The following RBFOX1 variants were observed in gnomAD, a reference collection of about 807,000 sequenced individuals.
The protein encoded by RBFOX1 is RNA binding protein fox-1 homolog 1.
In RBFOX1, 8 loss-of-function variants were observed where a neutral mutation model predicts 57.7. The observed-to-expected ratio is 0.14, with a 90% CI of 0.08 to 0.25. The LOEUF (loss-of-function observed/expected upper bound fraction) is 0.25. RBFOX1 is among the 10% of genes least tolerant of loss of function. RBFOX1 has a pLI of 1.00. For missense variants in RBFOX1, 611 were observed against 548.5 expected, an observed-to-expected ratio of 1.11 and a Z score of -1.14; for synonymous variants, 326 against 222.4, an observed-to-expected ratio of 1.47 and a Z score of -4.15.
intron 5 of RBFOX1, among the ~76,000 whole-genome samples, chr16:7,526,115 A>C (rs1280765921): frequency 6.6e-6 from 1 of 152,178 alleles, no homozygotes; most frequent in Non-Finnish European, 1.5e-5. Flanking sequence ...CCTATTGTGA[A>C]CTGTACATGC....
At chr16:7,277,475 C>G (rs1452692220) in intron 4 of RBFOX1, among the ~76,000 whole-genome samples, 1 of 152,094 alleles carries the variant, frequency 6.6e-6, no homozygotes, top group East Asian at 1.9e-4. Flanking sequence ...GAATAGGACA[C>G]CATTTAATTG....
intron 5 of RBFOX1, among the ~76,000 whole-genome samples, chr16:7,535,745 C>T (rs557906423): frequency 8.1e-4 from 123 of 152,278 alleles, no homozygotes; most frequent in African/African-American, 2.9e-3. Context: ...CTACTAAATA[C>T]ACATGAACAA....
At chr16:6,447,742 G>C (rs538818780) in intron 2 of RBFOX1, among the ~76,000 whole-genome samples, 1 of 152,174 alleles carries the variant, frequency 6.6e-6, no homozygotes. Context: ...AAATGCTGCT[G>C]AAGAGTTATG....
rs184573741 is a variant in RBFOX1 at position 7,159,199 on chromosome 16, A to T, written c.27+107101A>T. Reference sequence around the variant, plus strand: ...AAGTTGTTGCATGTGCTAATAGTTGATTGTCTTAGATTGCTGAGTAGTATT... The same window carrying T: ...AAGTTGTTGCATGTGCTAATAGTTGTTTGTCTTAGATTGCTGAGTAGTATT... On this transcript the variant is annotated intron_variant, in intron 4 of 15. Transcript: ENST00000550418. Among the ~76,000 whole-genome samples, 90 of 152,138 alleles carry T rather than the reference A, an allele frequency of 5.9e-4. 1 individual carries two copies. In the Middle Eastern group the frequency reaches 0.024, roughly 40 times the overall value.
chr16:7,377,097 G>C (rs2097698865), intron 4 of RBFOX1, among the ~76,000 whole-genome samples: 1 of 152,156 alleles, frequency 6.6e-6, no homozygotes, highest in Non-Finnish European at 1.5e-5. Context: ...TCTTTTTCAT[G>C]ATATCTTACA....
At position 7,351,390 on chromosome 16, in the gene RBFOX1, C is replaced by T. The variant is rs528361323; in HGVS notation, c.28-166757C>T. On this transcript the variant is annotated intron_variant, in intron 4 of 15. Coordinates refer to ENST00000550418, the MANE Select transcript of RBFOX1 (RefSeq NM_018723.4). ...ATTAATCACCACTACGTGCAAGGCACGATGGCAAACATTAGGAACGCAATG... is the reference window on the plus strand; with the variant it reads ...ATTAATCACCACTACGTGCAAGGCATGATGGCAAACATTAGGAACGCAATG... 5.2e-5 allele frequency among the ~76,000 whole-genome samples: 8 copies of T among 152,382 alleles called. No homozygotes were observed. In the East Asian group the frequency reaches 9.6e-4, roughly 18 times the overall value.
At chr16:6,360,906 G>A (rs1365011725) in intron 2 of RBFOX1, among the ~76,000 whole-genome samples, 3 of 151,950 alleles carry the variant, frequency 2.0e-5, no homozygotes, top group Non-Finnish European at 2.9e-5. Context: ...TGTTTGAGCC[G>A]AAGACCGTTA....
At chr16:5,600,699 G>C (rs1021829666), downstream of RBFOX1, among the ~76,000 whole-genome samples, 9 of 151,942 alleles carry the variant, frequency 5.9e-5, no homozygotes, top group Non-Finnish European at 1.3e-4. Context: ...GACTTTCCAG[G>C]CTGGATTTTT....
chr16:7,224,199 A>G (rs1012602525), intron 4 of RBFOX1, among the ~76,000 whole-genome samples: 3 of 150,988 alleles, frequency 2.0e-5, no homozygotes, highest in Admixed American at 6.6e-5. Context: ...GTGCAATACT[A>G]TAATGGGAAG....
At chr16:7,184,352 G>GA (rs938524141) in intron 4 of RBFOX1, among the ~76,000 whole-genome samples, 12 of 152,232 alleles carry the variant, frequency 7.9e-5, no homozygotes, top group Admixed American at 3.9e-4. Context: ...GCTGAAGAGA[G>GA]AAAAAAACAG....
At chr16:5,814,995 T>C (rs1266430775) in intron 3 of RBFOX1, among the ~76,000 whole-genome samples, 4 of 151,824 alleles carry the variant, frequency 2.6e-5, no homozygotes, top group South Asian at 2.1e-4. Context: ...TTCTTTCTTT[T>C]TTTTTTTAAA....
chr16:7,409,864 A>T (rs923992323), intron 4 of RBFOX1, among the ~76,000 whole-genome samples: 1 of 152,188 alleles, frequency 6.6e-6, no homozygotes, highest in African/African-American at 2.4e-5. Flanking sequence ...GGCAATGAAG[A>T]AATTGAAGTG....
intron 4 of RBFOX1, among the ~76,000 whole-genome samples, chr16:7,074,404 G>T (rs916690849): frequency 1.3e-5 from 2 of 152,152 alleles, no homozygotes; most frequent in African/African-American, 4.8e-5. Context: ...GGCAAAAGCT[G>T]CAATTATTTT....
chr16:7,101,256 G>A (rs927324907), intron 4 of RBFOX1, among the ~76,000 whole-genome samples: 14 of 152,158 alleles, frequency 9.2e-5, no homozygotes, highest in Admixed American at 2.6e-4. Flanking sequence ...GAGAGAAACC[G>A]AGTGAGTGCA....
At position 7,623,461 on chromosome 16, in the gene RBFOX1, T is replaced by C. The variant is rs9932602; in HGVS notation, c.677-7142T>C. On this transcript the variant is annotated intron_variant, in intron 10 of 15. Transcript: ENST00000550418. ...TGACGGATCAGGCATTAGATTCTCA[T>C]AAGGAACACACAACCAAGATCCCTA... Among the ~76,000 whole-genome samples the C allele has an allele frequency of 4.6e-3, 694 of 152,282 alleles. 4 individuals carry two copies. Among genetic ancestry groups the C allele is most frequent in the African/African-American group, 0.016 (652 of 41,552 alleles).
intron 2 of RBFOX1, among the ~76,000 whole-genome samples, chr16:6,590,456 A>G (rs75522355): frequency 0.012 from 1,855 of 152,294 alleles, 16 homozygotes; most frequent in Non-Finnish European, 0.021. Context: ...GCTTTTACAC[A>G]GTAGCAGGCC....
intron 3 of RBFOX1, among the ~76,000 whole-genome samples, chr16:6,658,673 A>G (rs2098678468): frequency 6.6e-6 from 1 of 152,160 alleles, no homozygotes; most frequent in Non-Finnish European, 1.5e-5. Context: ...ACAGGAAACT[A>G]ATTGCCATTT....
chr16:7,500,386 A>G (rs1469405653), intron 4 of RBFOX1, among the ~76,000 whole-genome samples: 1 of 152,042 alleles, frequency 6.6e-6, no homozygotes, highest in African/African-American at 2.4e-5. Context: ...GTGAGGTTGT[A>G]TTTTCCCTTT....
chr16:7,417,556 G>GTGTT (rs1555882462), intron 4 of RBFOX1, among the ~76,000 whole-genome samples: 2 of 151,898 alleles, frequency 1.3e-5, no homozygotes, highest in Non-Finnish European at 2.9e-5. Flanking sequence ...GTGTGTGTGT[G>GTGTT]TGTGTTCACT....
Sources: allele counts gnomAD v4.1 joint callset (sites outside exome capture counted in the v4.1 genomes callset), GRCh38; gene constraint gnomAD v4.1.1; transcripts MANE v1.5; gene names NCBI Gene and HGNC (gene_info 2026-07-23, HGNC 2026-07-21).